BRSK1: variants seen among roughly 807,000 people sequenced by gnomAD.
BRSK1 encodes the protein BR serine/threonine kinase 1, also known as serine/threonine-protein kinase BRSK1.
A neutral mutation model predicts 86.2 loss-of-function variants in BRSK1; 17 were observed. The ratio of observed to expected loss-of-function variants is 0.20; its 90% CI spans 0.14 to 0.30. The LOEUF is 0.30. BRSK1 is among the 10% of genes least tolerant of loss of function. The pLI is 1.00. For missense variants in BRSK1, 719 were observed against 1,071.9 expected (o/e 0.67, Z 4.60); for synonymous variants, 464 against 440.1 (o/e 1.05, Z -0.68).
At chr19:55,308,569 C>T (rs908624303) in intron 17 of BRSK1, 70 bp from the exon 18 acceptor site, 1 of 1,159,462 alleles carries the variant, frequency 8.6e-7, no homozygotes, top group Non-Finnish European at 1.3e-6. Context: ...GGACTGGGTT[C>T]TGCAGGCTGG....
In BRSK1 at chr19:55,284,270, C is replaced by G; in HGVS notation, c.-173C>G. 1.9e-6 allele frequency: 1 copy of G among 520,378 alleles called. No homozygotes were observed. The highest frequency in any genetic ancestry group is 2.9e-6 in the Non-Finnish European group (1 of 343,378). The allele number at this position is 520,378 out of a possible 1,614,324, so 32.2% of individuals were successfully genotyped here. Reference sequence around the variant, plus strand: ...CCCGGGCCAGCCCCCCCTCCCCCAGCTCCGCGGCCCGCCGACTGGGGGGGG... The same window carrying G: ...CCCGGGCCAGCCCCCCCTCCCCCAGGTCCGCGGCCCGCCGACTGGGGGGGG... On this transcript the variant is annotated 5_prime_UTR_variant, in exon 1 of 19. Coordinates refer to ENST00000309383, the MANE Select transcript of BRSK1 (RefSeq NM_032430.2).
intron 7 of BRSK1, among the ~76,000 whole-genome samples, chr19:55,300,878 CA>C (rs1463029607): frequency 6.6e-6 from 1 of 152,110 alleles, no homozygotes; most frequent in Admixed American, 6.5e-5. Context: ...AAGGTGTCAG[CA>C]GGGCCCTGCT....
At chr19:55,289,261 C>T (rs1450262908) in intron 3 of BRSK1, among the ~76,000 whole-genome samples, 7 of 152,118 alleles carry the variant, frequency 4.6e-5, no homozygotes, top group Admixed American at 4.6e-4. Flanking sequence ...GGAGTCACTT[C>T]CTCCCAGGGA....
Position 55,302,949 on chromosome 19 carries a change from C to T in BRSK1, c.1028+82C>T, listed in dbSNP as rs958424399. On this transcript the variant is annotated intron_variant, in intron 10 of 18. Coordinates refer to ENST00000309383, the MANE Select transcript of BRSK1 (RefSeq NM_032430.2). This position sits in a 1 kb window ranked among gnomAD's most constrained non-coding sequence, Gnocchi z 6.3. ...CCCTGCGCACATGCAGAGTGCTGGG[C>T]GAGGAACCCTGGCCTCTCATGGGGC... is the stretch of plus-strand genomic sequence containing the variant. 6.6e-6 allele frequency: 10 copies of T among 1,520,870 alleles called. No individual in the cohort carries two copies. Among genetic ancestry groups the T allele is most frequent in the East Asian group, 2.3e-5 (1 of 42,724 alleles). The allele number at this position is 1,520,870 out of a possible 1,614,324, so 94.2% of individuals were successfully genotyped here.
intron 4 of BRSK1, among the ~76,000 whole-genome samples, chr19:55,292,833 C>CAA (rs71181750): frequency 7.5e-6 from 1 of 132,854 alleles, no homozygotes; most frequent in Non-Finnish European, 1.6e-5. Context: ...GACTCTGTCT[C>CAA]AAAAAAAAAA....
Position 55,304,623 on chromosome 19 carries a change from A to G in BRSK1, c.1420A>G (p.Lys474Glu). The G allele has an allele frequency of 1.3e-6, 2 of 1,549,534 alleles. No homozygotes were observed. Among genetic ancestry groups the G allele is most frequent in the Non-Finnish European group, 1.7e-6 (2 of 1,150,494 alleles). The change falls in exon 14 of 19, where the codon AAA (lysine) becomes GAA (glutamate). Residue 474 changes from lysine (K) to glutamate (E), a missense_variant. Lys to Glu is a moderately conservative substitution (Grantham distance 56). Transcript: ENST00000309383. This position sits in a 1 kb window ranked among gnomAD's most constrained non-coding sequence, Gnocchi z 5.2. ...TCGAGGCGGGGGCTCCCCGACTTCC[A>G]AAACGCAGACGCTGCCTTCTCGGGG... is the stretch of plus-strand genomic sequence containing the variant. ...EARGGGSPTS[K>E]TQTLPSRGPR... is the part of the protein sequence containing the mutation.
chr19:55,306,412 G>T lies in BRSK1; in HGVS notation c.2051G>T (p.Gly684Val), dbSNP rs1429230906. The change falls in exon 17 of 19, where the codon GGT becomes GTT. Residue 684 changes from glycine to valine, a missense_variant. Around this residue, in one of 6 missense-constraint regions of BRSK1, gnomAD observed 180 missense variants for 259.4 expected, o/e 0.69. Transcript: ENST00000309383. The surrounding 1 kb of genome is among the most constrained non-coding windows in gnomAD (Gnocchi z 4.7). ...EPSPRRDGSG[G>V]GGIYSVTFTL... is the part of the protein sequence containing the mutation. ...TCCCCGCGACGGGACGGCAGCGGAG[G>T]TGGTGGCATCTACTCCGTCACCTTC... 6.2e-7 allele frequency: 1 copy of T among 1,613,824 alleles called. No individual in the cohort carries two copies. Among genetic ancestry groups the T allele is most frequent in the Non-Finnish European group, 8.5e-7 (1 of 1,180,022 alleles).
intron 17 of BRSK1, among the ~76,000 whole-genome samples, chr19:55,308,019 G>T (rs1354577388): frequency 7.0e-6 from 1 of 143,588 alleles, no homozygotes; most frequent in African/African-American, 2.8e-5. Flanking sequence ...TGTTGTTGTT[G>T]TTTGGTTTTT....
rs1426364898 is a variant in BRSK1, at chr19:55,284,077, G to A, written c.-366G>A. On this transcript the variant is annotated 5_prime_UTR_variant, in exon 1 of 19. Transcript: ENST00000309383. ...GAGGAGGAGGAGGCGGAGGAGAGAG[G>A]GCGCGTGGGGGGGCGGGGGGGACCT... is the stretch of plus-strand genomic sequence containing the variant. The A allele has an allele frequency of 5.3e-6, 5 of 948,330 alleles. No homozygotes were observed. The highest frequency in any genetic ancestry group is 6.9e-6 in the Non-Finnish European group (5 of 729,196). 58.7% of individuals were successfully genotyped at this position (948,330 alleles called of 1,614,324 possible).
In BRSK1 at chr19:55,311,388, G is replaced by A. The variant is rs564503638; in HGVS notation, c.2180-523G>A. 4.6e-5 allele frequency among the ~76,000 whole-genome samples: 7 copies of A among 152,274 alleles called. No individual in the cohort carries two copies. The South Asian group carries it at 1.2e-3, about 27-fold the overall frequency. Reference sequence around the variant, plus strand: ...TTTCCACCTCAGTCCCCAAGAGGAGGTGGCCTCAGGACCCAGGAGACAGTG... The same window carrying A: ...TTTCCACCTCAGTCCCCAAGAGGAGATGGCCTCAGGACCCAGGAGACAGTG... On this transcript the variant is annotated intron_variant, in intron 18 of 18. Coordinates refer to ENST00000309383, the MANE Select transcript of BRSK1 (RefSeq NM_032430.2).
intron 17 of BRSK1, among the ~76,000 whole-genome samples, chr19:55,307,579 G>T (rs1973401609): frequency 7.0e-6 from 1 of 142,650 alleles, no homozygotes; most frequent in Admixed American, 7.1e-5. Context: ...CTAATATGCA[G>T]ACCTTTCTCA....
At position 55,310,909 on chromosome 19, in the gene BRSK1, T is replaced by TG. The variant is rs933902552; in HGVS notation, c.2180-996dup. On this transcript the variant is annotated intron_variant, in intron 18 of 18. Transcript: ENST00000309383. This position sits in a 1 kb window ranked among gnomAD's most constrained non-coding sequence, Gnocchi z 5.0. The stretch of plus-strand genomic sequence containing the variant: ...CACCATCTCATAAAGGAGAATGGGG[T>TG]GGGGGGTGCAGGCCTCCGAGTCACC... 6.6e-5 allele frequency among the ~76,000 whole-genome samples: 10 copies of TG among 151,846 alleles called. No homozygotes were observed. The highest frequency in any genetic ancestry group is 4.6e-4 in the Admixed American group (7 of 15,262).
In BRSK1 at chr19:55,287,801, A is replaced by C. The variant is rs927163401; in HGVS notation, c.317+502A>C. 1.3e-5 allele frequency among the ~76,000 whole-genome samples: 2 copies of C among 152,126 alleles called. No homozygotes were observed. The highest frequency in any genetic ancestry group is 4.8e-5 in the African/African-American group (2 of 41,416). On this transcript the variant is annotated intron_variant, in intron 3 of 18. Coordinates refer to ENST00000309383, the MANE Select transcript of BRSK1 (RefSeq NM_032430.2). This position sits in a 1 kb window ranked among gnomAD's most constrained non-coding sequence, Gnocchi z 5.3. ...AGGTCTGAGTCACTATCTCAAAGTCAATCACCCGCCAGGAAGGATGGGGGT... is the reference window on the plus strand; with the variant it reads ...AGGTCTGAGTCACTATCTCAAAGTCCATCACCCGCCAGGAAGGATGGGGGT...
At chr19:55,309,606 G>A (rs1313712111) in intron 18 of BRSK1, among the ~76,000 whole-genome samples, 2 of 152,142 alleles carry the variant, frequency 1.3e-5, no homozygotes, top group Admixed American at 1.3e-4. Flanking sequence ...ACTCTCTGGG[G>A]CCTCTTTCCT....
chr19:55,306,140 C>A lies in BRSK1; in HGVS notation c.1891-112C>A. The A allele has an allele frequency of 9.3e-7, 1 of 1,070,116 alleles. No individual in the cohort carries two copies. The highest frequency in any genetic ancestry group is 1.4e-6 in the Non-Finnish European group (1 of 738,078). The allele number at this position is 1,070,116 out of a possible 1,614,324, so 66.3% of individuals were successfully genotyped here. On this transcript the variant is annotated intron_variant, in intron 16 of 18. Transcript: ENST00000309383. This position sits in a 1 kb window ranked among gnomAD's most constrained non-coding sequence, Gnocchi z 4.7. ...GGGGCCTCCCAATGCATTTCCTGTC[C>A]TTCTTTCCCTCCAGTGGCTCATGGG...
chr19:55,310,709 G>T lies in BRSK1; in HGVS notation c.2180-1202G>T, dbSNP rs2088768324. 6.6e-6 allele frequency among the ~76,000 whole-genome samples: 1 copy of T among 152,162 alleles called. No individual in the cohort carries two copies. The highest frequency in any genetic ancestry group is 6.5e-5 in the Admixed American group (1 of 15,268). The stretch of plus-strand genomic sequence containing the variant: ...CCCCACGACAGCTGGGTCCCAAATG[G>T]CAGTCGTGCTGAGGTGCAGAAACCC... On this transcript the variant is annotated intron_variant, in intron 18 of 18. Transcript: ENST00000309383. The surrounding 1 kb of genome is among the most constrained non-coding windows in gnomAD (Gnocchi z 5.0).
intron 3 of BRSK1, among the ~76,000 whole-genome samples, chr19:55,289,095 T>C (rs539885150): frequency 6.6e-6 from 1 of 152,280 alleles, no homozygotes; most frequent in African/African-American, 2.4e-5. Flanking sequence ...CCTATAAGAA[T>C]TGGGGTCTTT....
chr19:55,305,397 G>C (rs1238013303), intron 15 of BRSK1, 28 bp downstream of exon 15: 9 of 1,614,078 alleles, frequency 5.6e-6, no homozygotes, highest in Non-Finnish European at 7.6e-6. Flanking sequence ...GGAAAGAGTG[G>C]GGATGCAGGG....
intron 18 of BRSK1, among the ~76,000 whole-genome samples, chr19:55,311,701 A>G (rs532618111): frequency 1.3e-5 from 2 of 152,210 alleles, no homozygotes; most frequent in South Asian, 4.1e-4. Flanking sequence ...CCCCCGTCCT[A>G]GGGGAGTCAG....
Sources: allele counts gnomAD v4.1 joint callset (sites outside exome capture counted in the v4.1 genomes callset), GRCh38; gene constraint gnomAD v4.1.1; regional missense constraint gnomAD v4.1.1; non-coding constraint Gnocchi (gnomAD v3.1); transcripts MANE v1.5; gene names NCBI Gene and HGNC (gene_info 2026-07-23, HGNC 2026-07-21).